ZBED1: variants seen among roughly 807,000 people sequenced by gnomAD.
ZBED1 encodes E3 SUMO-protein ligase ZBED1.
A neutral mutation model predicts 49.7 loss-of-function variants in ZBED1; 19 were observed. The observed-to-expected ratio is 0.38, with a 90% CI of 0.27 to 0.56. ZBED1 has a LOEUF of 0.56. Among genes scored for constraint, ZBED1 ranks in the 20% least tolerant of loss-of-function variants. The pLI, the probability that ZBED1 is intolerant of heterozygous loss-of-function variation, is 0.70. For missense variants in ZBED1, 806 were observed against 972.6 expected, an observed-to-expected ratio of 0.83 and a Z score of 2.28; for synonymous variants, 439 against 440.3, an observed-to-expected ratio of 1.00 and a Z score of 0.04.
chrX:2,490,093 G>C lies in ZBED1; in HGVS notation c.627C>G (p.Ala209=), dbSNP rs1452457327. 2.5e-6 allele frequency: 4 copies of C among 1,613,846 alleles called. No individual in the cohort carries two copies. The highest frequency in any genetic ancestry group is 3.4e-6 in the Non-Finnish European group (4 of 1,179,882). The part of the protein sequence containing the change: ...DMWRSENQNR[A]YVTLAAHFLG... ...GGAAGTGGGCGGCCAGCGTGACGTA[G>C]GCGCGGTTCTGATTCTCACTCCTCC... Residue 209 remains alanine (A), a synonymous_variant, in exon 2 of 2, where the codon GCC becomes GCG. Transcript: ENST00000652001.
intron 1 of ZBED1, among the ~76,000 whole-genome samples, chrX:2,499,639 G>C (rs1470093466): frequency 2.0e-5 from 3 of 151,736 alleles, no homozygotes; most frequent in African/African-American, 7.3e-5. Context: ...AGGCGTGGTG[G>C]CTCACGCCTG....
intron 1 of ZBED1, among the ~76,000 whole-genome samples, chrX:2,494,187 G>C (rs1456149929): frequency 1.3e-5 from 2 of 151,648 alleles, no homozygotes; most frequent in Admixed American, 1.3e-4. Flanking sequence ...CTGGGGCCAA[G>C]GTTTATATTC....
At chrX:2,495,322 G>T (rs960315816) in intron 1 of ZBED1, among the ~76,000 whole-genome samples, 7 of 151,360 alleles carry the variant, frequency 4.6e-5, no homozygotes, top group African/African-American at 1.7e-4. Flanking sequence ...GCTGAAAGAC[G>T]CCCCAGTACC....
intron 1 of ZBED1, among the ~76,000 whole-genome samples, chrX:2,491,709 G>T (rs1198893037): frequency 6.6e-6 from 1 of 152,224 alleles, no homozygotes; most frequent in African/African-American, 2.4e-5. Flanking sequence ...CTGTAAGCAC[G>T]TCTGAAGAAG....
intron 1 of ZBED1, chrX:2,500,279 C>G (rs1174275838): frequency 2.3e-5 from 4 of 175,952 alleles, no homozygotes; most frequent in Admixed American, 1.6e-4. Context: ...CCTCTGGAGA[C>G]GTCCTCCGGA....
rs1311421131 is a variant in ZBED1 at position 2,488,188 on chromosome X, CTTT to C, written c.*444_*446del. 3 of 159,254 alleles carry C rather than the reference CTTT, an allele frequency of 1.9e-5. No homozygotes were observed. Among genetic ancestry groups the C allele is most frequent in the African/African-American group, 7.2e-5 (3 of 41,738 alleles). 9.9% of individuals were successfully genotyped at this position (159,254 alleles called of 1,614,324 possible). ...CTCAAAGCCACCTCTCTTGTGTCTT[CTTT>C]TTTCTTTTTGAGAGAGTCTCGCTCT... is the stretch of plus-strand genomic sequence containing the variant. On this transcript the variant is annotated 3_prime_UTR_variant, in exon 2 of 2. Coordinates refer to ENST00000652001, the MANE Select transcript of ZBED1 (RefSeq NM_001171136.2).
intron 1 of ZBED1, among the ~76,000 whole-genome samples, chrX:2,497,813 G>A (rs937162588): frequency 1.3e-5 from 2 of 152,178 alleles, no homozygotes; most frequent in African/African-American, 4.8e-5. Flanking sequence ...CCGGTGGGTA[G>A]AGACTTTCTT....
At position 2,500,881 on chromosome X, in the gene ZBED1, C is replaced by G. The variant is rs964252205; in HGVS notation, c.-118G>C. On this transcript the variant is annotated 5_prime_UTR_variant, in exon 1 of 2. Coordinates refer to ENST00000652001, the MANE Select transcript of ZBED1 (RefSeq NM_001171136.2). ...GCGCCAGGATCACCGCGGCGCCTAC[C>G]GCGTAGACCCGCAGGGCCGCCCGCG... 1.8e-5 allele frequency: 21 copies of G among 1,150,152 alleles called. No homozygotes were observed. The highest frequency in any genetic ancestry group is 2.3e-5 in the Non-Finnish European group (21 of 930,144). 71.2% of individuals were successfully genotyped at this position (1,150,152 alleles called of 1,614,324 possible). A position where few individuals can be genotyped will look rare whatever the true frequency, so the allele number is the denominator to read the frequency against.
At chrX:2,498,916 G>A (rs187171764) in intron 1 of ZBED1, among the ~76,000 whole-genome samples, 53 of 152,206 alleles carry the variant, frequency 3.5e-4, no homozygotes, top group Admixed American at 1.2e-3. Context: ...CCTGACTACA[G>A]TTCCCTTTAC....
chrX:2,489,874 C>G lies in ZBED1; in HGVS notation c.846G>C (p.Leu282=). ...GGCAGGGCATGTGCACTGCGACGTC[C>G]AGCAGGGAGCACGCCTTCACGATGT... is the stretch of plus-strand genomic sequence containing the variant. The part of the protein sequence containing the change: ...GKDIVKACSL[L]DVAVHMPCLG... Residue 282 remains leucine, a synonymous_variant, in exon 2 of 2, where the codon CTG becomes CTC. Transcript: ENST00000652001. The G allele has an allele frequency of 6.2e-7, 1 of 1,613,874 alleles. No individual in the cohort carries two copies. The highest frequency in any genetic ancestry group is 1.1e-5 in the South Asian group (1 of 91,070).
chrX:2,489,666 A>T lies in ZBED1; in HGVS notation c.1054T>A (p.Ser352Thr). 6.2e-7 allele frequency: 1 copy of T among 1,612,346 alleles called. No individual in the cohort carries two copies. Among genetic ancestry groups the T allele is most frequent in the South Asian group, 1.1e-5 (1 of 90,932 alleles). ...ATGGCCAGCGTGCTCCCCCACCAGG[A>T]GACGCGGTTGCTCACCAGCATGCAG... Reference protein sequence around the residue: ...AHCMLVSNRVSWWGSTLAMLQ... With the variant: ...AHCMLVSNRVTWWGSTLAMLQ... Residue 352 changes from serine (S) to threonine (T), a missense_variant, in exon 2 of 2, where the codon TCC becomes ACC. Coordinates refer to ENST00000652001, the MANE Select transcript of ZBED1 (RefSeq NM_001171136.2).
chrX:2,494,511 C>G (rs2045234218), intron 1 of ZBED1, among the ~76,000 whole-genome samples: 1 of 151,666 alleles, frequency 6.6e-6, no homozygotes, highest in African/African-American at 2.4e-5. Context: ...GGTTTATATT[C>G]TATGATTATT....
intron 1 of ZBED1, among the ~76,000 whole-genome samples, chrX:2,493,595 C>A (rs2045212515): frequency 1.3e-5 from 2 of 150,478 alleles, no homozygotes; most frequent in South Asian, 4.2e-4. Flanking sequence ...GTACCAGTAA[C>A]AAAGGTTTAT....
Position 2,490,663 on chromosome X carries a change from G to C in ZBED1, c.57C>G (p.Pro19=), listed in dbSNP as rs371344033. The C allele has an allele frequency of 2.5e-6, 4 of 1,613,860 alleles. No individual in the cohort carries two copies. The African/African-American group carries it at 5.3e-5, about 22-fold the overall frequency. The change falls in exon 2 of 2, where the codon CCC becomes CCG. Residue 19 remains proline, a synonymous_variant. Coordinates refer to ENST00000652001, the MANE Select transcript of ZBED1 (RefSeq NM_001171136.2). The stretch of plus-strand genomic sequence containing the variant: ...ACTTCCACACCTTGCTCTTGGCGCG[G>C]GGGTGGGCCACCAGCTTCAGGTCTG... ...SQTDLKLVAH[P]RAKSKVWKYF... is the part of the protein sequence containing the mutation.
chrX:2,493,022 G>T (rs2045194853), intron 1 of ZBED1, among the ~76,000 whole-genome samples: 1 of 152,332 alleles, frequency 6.6e-6, no homozygotes, highest in Admixed American at 6.5e-5. Context: ...GGGAGACGCC[G>T]CCACGTGCCA....
At position 2,488,606 on chromosome X, in the gene ZBED1, G is replaced by C. The variant is rs1308366800; in HGVS notation, c.*29C>G. On this transcript the variant is annotated 3_prime_UTR_variant, in exon 2 of 2. Transcript: ENST00000652001. ...AAAGCATCCAATGGGCTGCTGCGGG[G>C]ATGACTTGTAAGACAACACGCTTCC... 2.0e-5 allele frequency: 31 copies of C among 1,556,906 alleles called. No homozygotes were observed. Among genetic ancestry groups the C allele is most frequent in the Non-Finnish European group, 2.6e-5 (30 of 1,153,448 alleles).
intron 1 of ZBED1, 103 bp from the exon 2 acceptor site, chrX:2,490,875 C>A: frequency 9.4e-7 from 1 of 1,058,452 alleles, no homozygotes; most frequent in Non-Finnish European, 1.4e-6. Flanking sequence ...CGCTTTCAAC[C>A]AAAGGGCACT....
In ZBED1 at chrX:2,489,529, C is replaced by T; in HGVS notation, c.1191G>A (p.Leu397=). Residue 397 remains leucine, a synonymous_variant, in exon 2 of 2, where the codon CTG becomes CTA. Transcript: ENST00000652001. ...EASEWATIEG[L]VELLQPFKQV... is the part of the protein sequence containing the mutation. Reference sequence around the variant, plus strand: ...GCTTGAAGGGCTGCAGGAGCTCCACCAGCCCCTCGATGGTGGCCCACTCGC... The same window carrying T: ...GCTTGAAGGGCTGCAGGAGCTCCACTAGCCCCTCGATGGTGGCCCACTCGC... The T allele has an allele frequency of 6.2e-7, 1 of 1,612,998 alleles. No homozygotes were observed. The highest frequency in any genetic ancestry group is 8.5e-7 in the Non-Finnish European group (1 of 1,179,852).
rs1339794331 is a variant in ZBED1, at chrX:2,490,355, T to G, written c.365A>C (p.Lys122Thr). 1 of 1,613,344 alleles carries G rather than the reference T, an allele frequency of 6.2e-7. No homozygotes were observed. Among genetic ancestry groups the G allele is most frequent in the East Asian group, 2.2e-5 (1 of 44,882 alleles). The part of the protein sequence containing the change: ...VKAGHGYDSK[K>T]QQELTAAVLG... Reference sequence around the variant, plus strand: ...CACGGCGGCCGTCAGCTCCTGCTGCTTCTTGCTGTCGTAGCCGTGGCCGGC... The same window carrying G: ...CACGGCGGCCGTCAGCTCCTGCTGCGTCTTGCTGTCGTAGCCGTGGCCGGC... Residue 122 changes from lysine (K) to threonine (T), a missense_variant, in exon 2 of 2, where the codon AAG (lysine) becomes ACG (threonine). Lys to Thr is a moderately conservative substitution (Grantham distance 78, BLOSUM62 -1). Around this residue, in one of 2 missense-constraint regions of ZBED1, gnomAD observed 749 missense variants for 861.3 expected, o/e 0.87. Transcript: ENST00000652001.
Sources: allele counts gnomAD v4.1 joint callset (sites outside exome capture counted in the v4.1 genomes callset), GRCh38; gene constraint gnomAD v4.1.1; regional missense constraint gnomAD v4.1.1; transcripts MANE v1.5; gene names NCBI Gene and HGNC (gene_info 2026-07-23, HGNC 2026-07-21).